TSPEAR: variants seen among roughly 807,000 people sequenced by gnomAD.
The protein encoded by TSPEAR is thrombospondin-type laminin G domain and EAR repeat-containing protein.
TSPEAR carries 69 observed loss-of-function variants against 71.6 expected under a neutral mutation model. The ratio of observed to expected loss-of-function variants is 0.96; its 90% CI spans 0.79 to 1.18. TSPEAR has a LOEUF of 1.18. TSPEAR is among the 50% of genes most tolerant of loss of function. The pLI, the probability that TSPEAR is intolerant of heterozygous loss-of-function variation, is 0.00. For synonymous variants in TSPEAR, 402 were observed against 387.2 expected (o/e 1.04, Z -0.45); for missense variants, 971 against 894.9 (o/e 1.09, Z -1.09).
intron 2 of TSPEAR, among the ~76,000 whole-genome samples, chr21:44,550,006 G>C (rs4818931): frequency 1.6e-4 from 24 of 148,784 alleles, no homozygotes; most frequent in Non-Finnish European, 2.7e-4. Flanking sequence ...CTCCCGCCGT[G>C]TCCCACCTCC....
intron 2 of TSPEAR, among the ~76,000 whole-genome samples, chr21:44,538,434 C>CCA (rs2053133644): frequency 1.2e-5 from 1 of 86,596 alleles, no homozygotes; most frequent in African/African-American, 5.9e-5. Context: ...CCCCCCCCCC[C>CCA]CCAAGAGGAG....
chr21:44,508,673 C>T (rs1050640586), intron 10 of TSPEAR: 29 of 1,201,790 alleles, frequency 2.4e-5, no homozygotes, highest in South Asian at 7.3e-5. Context: ...ATCACTTTCT[C>T]GTACATACAG....
At chr21:44,621,783 AGT>A (rs1188792463) in intron 1 of TSPEAR, among the ~76,000 whole-genome samples, 1 of 152,242 alleles carries the variant, frequency 6.6e-6, no homozygotes, top group Non-Finnish European at 1.5e-5. Flanking sequence ...GTTAGATTCA[AGT>A]TATTTAATCA....
rs938976261 is a variant in TSPEAR, at chr21:44,711,156, C to G, written c.82+277G>C. Reference sequence around the variant, plus strand: ...AGCAGGTAAGCACTTGTGGAGGCCCCGGTGGCTGCTGGTTAGCTCTTGAAG... The same window carrying G: ...AGCAGGTAAGCACTTGTGGAGGCCCGGGTGGCTGCTGGTTAGCTCTTGAAG... On this transcript the variant is annotated intron_variant, in intron 1 of 11. Coordinates refer to ENST00000323084, the MANE Select transcript of TSPEAR (RefSeq NM_144991.3). This position sits in a 1 kb window ranked among gnomAD's most constrained non-coding sequence, Gnocchi z 4.5. 1.3e-5 allele frequency among the ~76,000 whole-genome samples: 2 copies of G among 152,190 alleles called. No individual in the cohort carries two copies. The highest frequency in any genetic ancestry group is 4.8e-5 in the African/African-American group (2 of 41,444).
At chr21:44,517,906 C>A in intron 9 of TSPEAR, 1 of 468,620 alleles carries the variant, frequency 2.1e-6, no homozygotes. Flanking sequence ...GGGCGGTTTT[C>A]TTCAAGCCTT....
intron 1 of TSPEAR, chr21:44,698,126 C>A: frequency 1.4e-6 from 1 of 720,882 alleles, no homozygotes; most frequent in Non-Finnish European, 2.3e-6. Context: ...CTCCAGATGA[C>A]CCTGCCTCCA....
At chr21:44,522,209 G>T in intron 8 of TSPEAR, 97 bp from the exon 9 acceptor site, 2 of 1,273,738 alleles carry the variant, frequency 1.6e-6, no homozygotes, top group Non-Finnish European at 2.3e-6. Context: ...CCCTCCCCGA[G>T]GACCGAAGAC....
At chr21:44,705,239 G>A (rs568317311) in intron 1 of TSPEAR, among the ~76,000 whole-genome samples, 2 of 152,208 alleles carry the variant, frequency 1.3e-5, no homozygotes, top group Non-Finnish European at 2.9e-5. Flanking sequence ...TCCTATGCCT[G>A]TCTTTACTTT....
intron 1 of TSPEAR, chr21:44,611,954 CAA>C: frequency 2.4e-6 from 2 of 836,998 alleles, no homozygotes; most frequent in Non-Finnish European, 3.8e-6. Context: ...TGCCTGGAGG[CAA>C]AGTCTCAGCC....
intron 1 of TSPEAR, among the ~76,000 whole-genome samples, chr21:44,604,794 T>C (rs1981205954): frequency 6.6e-6 from 1 of 152,252 alleles, no homozygotes; most frequent in African/African-American, 2.4e-5. Flanking sequence ...GTTTTAATCA[T>C]GAATGAATGC....
chr21:44,640,037 C>T (rs587633355), intron 1 of TSPEAR, among the ~76,000 whole-genome samples: 10 of 152,334 alleles, frequency 6.6e-5, no homozygotes, highest in African/African-American at 2.4e-4. Flanking sequence ...CAGTTCTAGG[C>T]ATCTACCCCG....
rs781983851 is a variant in TSPEAR, at chr21:44,695,286, G to T, written c.82+16147C>A. ...GACTGGACGCTGTGCTGTCTCTCAG[G>T]TACGCAAGTGCACCACAGACTCTGA... On this transcript the variant is annotated intron_variant, in intron 1 of 11. Transcript: ENST00000323084. This position sits in a 1 kb window ranked among gnomAD's most constrained non-coding sequence, Gnocchi z 4.5. Among the ~76,000 whole-genome samples, 2 of 152,096 alleles carry T rather than the reference G, an allele frequency of 1.3e-5. No individual in the cohort carries two copies. Among genetic ancestry groups the T allele is most frequent in the Non-Finnish European group, 2.9e-5 (2 of 68,042 alleles).
chr21:44,521,739 G>A, intron 9 of TSPEAR, 144 bp downstream of exon 9: 1 of 746,218 alleles, frequency 1.3e-6, no homozygotes. Context: ...AGCAGGCCCT[G>A]CCTGGGTTTT....
chr21:44,559,121 A>T (rs1220528279), intron 2 of TSPEAR, among the ~76,000 whole-genome samples: 2 of 150,584 alleles, frequency 1.3e-5, no homozygotes, highest in Admixed American at 6.6e-5. Flanking sequence ...GTTTGCACTT[A>T]AAAAAAGACT....
intron 9 of TSPEAR, among the ~76,000 whole-genome samples, chr21:44,517,049 C>T (rs587758378): frequency 2.6e-5 from 4 of 152,312 alleles, no homozygotes; most frequent in Non-Finnish European, 5.9e-5. Flanking sequence ...TCTCTGCCTT[C>T]CTCGACTCCT....
In TSPEAR at chr21:44,578,651, C is replaced by T. The variant is rs587625068; in HGVS notation, c.83-10646G>A. 1.7e-3 allele frequency among the ~76,000 whole-genome samples: 266 copies of T among 152,292 alleles called. 1 individual carries two copies. The highest frequency in any genetic ancestry group is 5.8e-3 in the African/African-American group (242 of 41,554). ...AGGGGGACTCATGGAGGAACACCCA[C>T]GCCTTGACCCTGAGATGGCCTTGCA... On this transcript the variant is annotated intron_variant, in intron 1 of 11. Transcript: ENST00000323084.
At chr21:44,639,518 C>T (rs1983899105) in intron 1 of TSPEAR, among the ~76,000 whole-genome samples, 2 of 151,696 alleles carry the variant, frequency 1.3e-5, no homozygotes, top group Non-Finnish European at 2.9e-5. Flanking sequence ...GGTGGCCAAA[C>T]TGACACAGCC....
chr21:44,618,589 C>T (rs1465634284), intron 1 of TSPEAR, among the ~76,000 whole-genome samples: 3 of 152,184 alleles, frequency 2.0e-5, no homozygotes, highest in Admixed American at 2.0e-4. Flanking sequence ...CTTGCCCCAT[C>T]CCCCATCCCC....
rs781825455 is a variant in TSPEAR, at chr21:44,531,040, C to T, written c.633+3G>A. On this transcript the variant is annotated splice_donor_region_variant and intron_variant, in intron 4 of 11. Coordinates refer to ENST00000323084, the MANE Select transcript of TSPEAR (RefSeq NM_144991.3). Reference sequence around the variant, plus strand: ...GTTGGGAAGGCAGCCCCTCCATACTCGCCATGAACAGGCCTTTGGCTCTCC... The same window carrying T: ...GTTGGGAAGGCAGCCCCTCCATACTTGCCATGAACAGGCCTTTGGCTCTCC... The T allele has an allele frequency of 1.5e-5, 24 of 1,612,762 alleles. No homozygotes were observed. Among genetic ancestry groups the T allele is most frequent in the South Asian group, 2.2e-5 (2 of 91,002 alleles).
Sources: allele counts gnomAD v4.1 joint callset (sites outside exome capture counted in the v4.1 genomes callset), GRCh38; gene constraint gnomAD v4.1.1; non-coding constraint Gnocchi (gnomAD v3.1); transcripts MANE v1.5; gene names NCBI Gene and HGNC (gene_info 2026-07-23, HGNC 2026-07-21).